The following EIF2A variants were observed in gnomAD, a reference collection of about 807,000 sequenced individuals.
The protein encoded by EIF2A is 65 kDa eukaryotic translation initiation factor 2A.
In EIF2A, 62 loss-of-function variants were observed where a neutral mutation model predicts 75.2. The ratio of observed to expected loss-of-function variants is 0.82; its 90% CI spans 0.67 to 1.02. The LOEUF is 1.02. EIF2A is among the 50% of genes least tolerant of loss of function. The probability of loss-of-function intolerance (pLI) is 0.00; values close to 1 mark genes in which losing one functional copy is unlikely to be tolerated. For missense variants in EIF2A, 611 were observed against 677.7 expected, an observed-to-expected ratio of 0.90 and a Z score of 1.09; for synonymous variants, 207 against 239.0, an observed-to-expected ratio of 0.87 and a Z score of 1.23.
rs746115513 is a variant in EIF2A at position 150,568,291 on chromosome 3, A to G, written c.810A>G (p.Leu270=). 1 of 1,606,356 alleles carries G rather than the reference A, an allele frequency of 6.2e-7. No individual in the cohort carries two copies. The highest frequency in any genetic ancestry group is 8.5e-7 in the Non-Finnish European group (1 of 1,175,478). Residue 270 remains leucine (L), a splice_region_variant and synonymous_variant, in exon 9 of 14, where the codon TTA becomes TTG. Transcript: ENST00000460851. ...ATGGAGAAAGTGCTGTAGTGCAATT[A>G]CGTGAGTATTCCAGCAGTCTTCCTT... ...ATNGESAVVQ[L]PKNGPIYDVV...
intron 10 of EIF2A, among the ~76,000 whole-genome samples, chr3:150,575,300 A>G (rs1334205322): frequency 6.6e-6 from 1 of 152,194 alleles, no homozygotes; most frequent in African/African-American, 2.4e-5. Flanking sequence ...GTTTCTGTTG[A>G]CAATAGTTAG....
At chr3:150,552,460 A>G (rs1292304691) in intron 2 of EIF2A, 35 bp downstream of exon 2, 1 of 1,505,802 alleles carries the variant, frequency 6.6e-7, no homozygotes, top group African/African-American at 1.4e-5. Context: ...GTTATAGGGA[A>G]CATACAGTAC....
intron 3 of EIF2A, 143 bp downstream of exon 3, chr3:150,558,605 CAAA>C (rs1723695588): frequency 1.7e-6 from 1 of 579,224 alleles, no homozygotes; most frequent in African/African-American, 2.0e-5. Flanking sequence ...TCTCGTTACA[CAAA>C]ATACCTTCAA....
chr3:150,575,521 A>G, intron 10 of EIF2A, 128 bp from the exon 11 acceptor site: 1 of 735,766 alleles, frequency 1.4e-6, no homozygotes, highest in African/African-American at 1.8e-5. Flanking sequence ...GAGTTTCAAA[A>G]TAATCTTTGC....
chr3:150,560,465 C>G (rs1723789731), intron 3 of EIF2A, among the ~76,000 whole-genome samples: 1 of 152,002 alleles, frequency 6.6e-6, no homozygotes, highest in Non-Finnish European at 1.5e-5. Context: ...TGAGTAGGCT[C>G]CAGTTGCAAA....
chr3:150,571,270 G>T (rs1252648920), intron 9 of EIF2A, among the ~76,000 whole-genome samples: 1 of 151,806 alleles, frequency 6.6e-6, no homozygotes. Context: ...CTCCTGAGTA[G>T]CTGGGATTAC....
At chr3:150,554,518 G>A (rs4681636) in intron 2 of EIF2A, among the ~76,000 whole-genome samples, 17,045 of 152,178 alleles carry the variant, frequency 0.11, 1,222 homozygotes, top group Non-Finnish European at 0.16. Context: ...TGAAAAGCTC[G>A]TTAAAATCCA....
intron 2 of EIF2A, among the ~76,000 whole-genome samples, chr3:150,557,943 C>A (rs1233110454): frequency 6.6e-6 from 1 of 152,322 alleles, no homozygotes; most frequent in East Asian, 1.9e-4. Context: ...TGCACAGATA[C>A]AAGTTTCTAT....
In EIF2A at chr3:150,583,842, C is replaced by G. The variant is rs1559888531; in HGVS notation, c.1693-4C>G. On this transcript the variant is annotated splice_polypyrimidine_tract_variant and splice_region_variant and intron_variant, in intron 13 of 13. Coordinates refer to ENST00000460851, the MANE Select transcript of EIF2A (RefSeq NM_032025.5). ...AATAACTTCATTGTTTCAAACTTTT[C>G]TAGTTGGAGAAAATTCAGAAAGAAA... 6.2e-7 allele frequency: 1 copy of G among 1,612,904 alleles called. No homozygotes were observed. Among genetic ancestry groups the G allele is most frequent in the Non-Finnish European group, 8.5e-7 (1 of 1,179,378 alleles).
intron 2 of EIF2A, chr3:150,557,716 G>T: frequency 2.6e-6 from 1 of 387,776 alleles, no homozygotes; most frequent in Admixed American, 3.1e-5. Context: ...TTTTAAAAAT[G>T]TTTTATTATC....
chr3:150,580,951 T>G (rs776408191), intron 11 of EIF2A, among the ~76,000 whole-genome samples: 8 of 152,222 alleles, frequency 5.3e-5, no homozygotes, highest in Non-Finnish European at 1.2e-4. Flanking sequence ...TCTGGGATTT[T>G]CCATGTAATA....
At chr3:150,564,154 A>C in intron 5 of EIF2A, 145 bp from the exon 6 acceptor site, 2 of 620,376 alleles carry the variant, frequency 3.2e-6, no homozygotes, top group Non-Finnish European at 2.7e-6. Context: ...AACTATTAGT[A>C]ACTGACTTAA....
Position 150,568,201 on chromosome 3 carries a change from C to T in EIF2A, c.720C>T (p.Ser240=). 6.2e-7 allele frequency: 1 copy of T among 1,613,336 alleles called. No individual in the cohort carries two copies. The highest frequency in any genetic ancestry group is 1.1e-5 in the South Asian group (1 of 90,956). ...CTACTGCTGTGTTGGTAATAGCTAG[C>T]ACAGATGTTGACAAGACAGGAGCTT... ...KKATAVLVIA[S]TDVDKTGASY... The change falls in exon 9 of 14, where the codon AGC becomes AGT. Residue 240 remains serine, a synonymous_variant. Transcript: ENST00000460851.
intron 4 of EIF2A, 127 bp from the exon 5 acceptor site, chr3:150,563,388 A>G (rs1723991652): frequency 1.5e-6 from 1 of 672,422 alleles, no homozygotes; most frequent in East Asian, 3.1e-5. Flanking sequence ...TATTTTGGTA[A>G]CACAGAGGCA....
At chr3:150,552,310 C>A in intron 1 of EIF2A, 46 bp from the exon 2 acceptor site, 1 of 1,494,286 alleles carries the variant, frequency 6.7e-7, no homozygotes, top group South Asian at 1.2e-5. Flanking sequence ...TTAACTGAGT[C>A]TTTATTAACA....
chr3:150,557,268 T>C (rs1723615878), intron 2 of EIF2A, among the ~76,000 whole-genome samples: 1 of 152,224 alleles, frequency 6.6e-6, no homozygotes, highest in South Asian at 2.1e-4. Context: ...GCTGAAATGA[T>C]AGGCCAAAAC....
Position 150,581,738 on chromosome 3 carries a change from C to T in EIF2A, c.1618C>T (p.Leu540=), listed in dbSNP as rs372152526. The T allele has an allele frequency of 1.6e-5, 25 of 1,558,190 alleles. No homozygotes were observed. The highest frequency in any genetic ancestry group is 9.6e-5 in the African/African-American group (7 of 73,288). ...DPEIDKKIKN[L]KKKLKAIEQL... is the part of the protein sequence containing the mutation. ...TGAGATAGACAAAAAAATCAAGAAC[C>T]TAAAGAAGGTGAGAGACTTAAAAAC... is the stretch of plus-strand genomic sequence containing the variant. Residue 540 remains leucine, a synonymous_variant, in exon 12 of 14, where the codon CTA becomes TTA. Coordinates refer to ENST00000460851, the MANE Select transcript of EIF2A (RefSeq NM_032025.5).
chr3:150,576,444 A>G (rs116085463), intron 11 of EIF2A, among the ~76,000 whole-genome samples: 2,010 of 152,300 alleles, frequency 0.013, 47 homozygotes, highest in African/African-American at 0.047. Context: ...AAAAAAGAAA[A>G]AAAGCACAAA....
At chr3:150,561,525 C>T (rs930228787) in intron 3 of EIF2A, among the ~76,000 whole-genome samples, 1 of 152,098 alleles carries the variant, frequency 6.6e-6, no homozygotes, top group African/African-American at 2.4e-5. Context: ...TTGCTGTGAG[C>T]CAAGACTGTG....
Sources: allele counts gnomAD v4.1 joint callset (sites outside exome capture counted in the v4.1 genomes callset), GRCh38; gene constraint gnomAD v4.1.1; transcripts MANE v1.5; gene names NCBI Gene and HGNC (gene_info 2026-07-23, HGNC 2026-07-21).